The following CCDC60 variants were observed in gnomAD, a reference collection of about 807,000 sequenced individuals.
The protein encoded by CCDC60 is coiled-coil domain-containing protein 60.
In CCDC60, 54 loss-of-function variants were observed where a neutral mutation model predicts 63.5. The ratio of observed to expected loss-of-function variants is 0.85; its 90% CI spans 0.68 to 1.07. The LOEUF (loss-of-function observed/expected upper bound fraction) is 1.07. Ranked by LOEUF, CCDC60 falls within the 50% of genes least tolerant of loss-of-function variation. The pLI, the probability that CCDC60 is intolerant of heterozygous loss-of-function variation, is 0.00. For synonymous variants in CCDC60, 206 were observed against 238.8 expected, an observed-to-expected ratio of 0.86 and a Z score of 1.27; for missense variants, 651 against 684.3, an observed-to-expected ratio of 0.95 and a Z score of 0.54.
At chr12:119,539,518 C>T (rs549965075) in intron 13 of CCDC60, among the ~76,000 whole-genome samples, 14 of 152,254 alleles carry the variant, frequency 9.2e-5, no homozygotes, top group South Asian at 2.1e-4. Flanking sequence ...TCCATAATGG[C>T]GGACGTCCCT....
At chr12:119,380,108 C>T (rs993884610) in intron 1 of CCDC60, among the ~76,000 whole-genome samples, 1 of 152,208 alleles carries the variant, frequency 6.6e-6, no homozygotes, top group Non-Finnish European at 1.5e-5. Flanking sequence ...CACACATTCT[C>T]TAAGAGATGG....
At chr12:119,454,529 G>A (rs1464482295) in intron 2 of CCDC60, among the ~76,000 whole-genome samples, 2 of 152,150 alleles carry the variant, frequency 1.3e-5, no homozygotes, top group African/African-American at 2.4e-5. Context: ...AAATTCTCTT[G>A]ACAGAGTTTC....
intron 7 of CCDC60, among the ~76,000 whole-genome samples, chr12:119,511,931 C>G (rs1952223679): frequency 6.6e-6 from 1 of 152,242 alleles, no homozygotes; most frequent in Middle Eastern, 3.4e-3. Flanking sequence ...GGATCTGTGG[C>G]TCTAGGGAAG....
At chr12:119,383,520 C>T (rs1395908751) in intron 1 of CCDC60, among the ~76,000 whole-genome samples, 6 of 152,132 alleles carry the variant, frequency 3.9e-5, no homozygotes. Context: ...AGATGAGGGC[C>T]CCATAAACTC....
At chr12:119,528,824 C>T in intron 12 of CCDC60, 78 bp downstream of exon 12, 1 of 1,456,810 alleles carries the variant, frequency 6.9e-7, no homozygotes. Context: ...CTATTGATTC[C>T]ACTGTCCTTC....
At chr12:119,380,100 C>G (rs896910550) in intron 1 of CCDC60, among the ~76,000 whole-genome samples, 1 of 152,212 alleles carries the variant, frequency 6.6e-6, no homozygotes, top group Non-Finnish European at 1.5e-5. Flanking sequence ...CCCTCACACA[C>G]ACATTCTCTA....
In CCDC60 at chr12:119,464,794, C is replaced by T. The variant is rs1022587806; in HGVS notation, c.171-7200C>T. On this transcript the variant is annotated intron_variant, in intron 2 of 13. Transcript: ENST00000327554. ...TGCAGAACTACAGGTCACTCCGATC[C>T]AATGTATTATGTCTTGCTCTTGCAA... 3.9e-5 allele frequency among the ~76,000 whole-genome samples: 6 copies of T among 152,010 alleles called. 1 individual carries two copies. In the East Asian group the frequency reaches 9.7e-4, roughly 24 times the overall value.
intron 4 of CCDC60, among the ~76,000 whole-genome samples, chr12:119,485,483 G>A (rs182144010): frequency 6.6e-4 from 100 of 152,330 alleles, no homozygotes; most frequent in Non-Finnish European, 1.0e-3. Flanking sequence ...TGGTTCTGGA[G>A]GCTGAAAGCC....
chr12:119,500,121 G>T lies in CCDC60; in HGVS notation c.601G>T (p.Asp201Tyr), dbSNP rs1951812739. Residue 201 changes from aspartate (D) to tyrosine (Y), a missense_variant, in exon 6 of 14, where the codon GAC becomes TAC. Transcript: ENST00000327554. Reference sequence around the variant, plus strand: ...GAGCACCATTAAAAAAATCAATAAGGACAAGTCCATGGGACAGAAATGGGA... The same window carrying T: ...GAGCACCATTAAAAAAATCAATAAGTACAAGTCCATGGGACAGAAATGGGA... ...SKSTIKKINK[D>Y]KSMGQKWEHF... 3.1e-6 allele frequency: 5 copies of T among 1,612,528 alleles called. No homozygotes were observed. The East Asian group carries it at 8.9e-5, about 29-fold the overall frequency.
intron 2 of CCDC60, among the ~76,000 whole-genome samples, chr12:119,437,861 A>T (rs79820548): frequency 0.015 from 2,212 of 152,360 alleles, 55 homozygotes; most frequent in African/African-American, 0.05. Flanking sequence ...TCTGAAATGT[A>T]TCTTGTGAAT....
chr12:119,434,278 C>CTTT (rs57196100), intron 2 of CCDC60, among the ~76,000 whole-genome samples: 16,644 of 150,744 alleles, frequency 0.11, 1,214 homozygotes, highest in East Asian at 0.3. Flanking sequence ...AGAAGCTATT[C>CTTT]TTTTTTTTTG....
At chr12:119,483,559 C>A (rs781374258) in intron 4 of CCDC60, among the ~76,000 whole-genome samples, 1 of 152,170 alleles carries the variant, frequency 6.6e-6, no homozygotes, top group East Asian at 1.9e-4. Flanking sequence ...CAACCTGTGT[C>A]GAGATTTGCC....
At chr12:119,465,749 C>T (rs1353880105) in intron 2 of CCDC60, among the ~76,000 whole-genome samples, 1 of 96,482 alleles carries the variant, frequency 1.0e-5, no homozygotes, top group Non-Finnish European at 2.0e-5. Flanking sequence ...CAGAGTGAGA[C>T]TTCATCTCAA....
intron 4 of CCDC60, among the ~76,000 whole-genome samples, chr12:119,484,635 C>A (rs558537184): frequency 3.3e-5 from 5 of 152,178 alleles, no homozygotes; most frequent in African/African-American, 1.2e-4. Context: ...ATCGCTTGTG[C>A]CCAGGAGGCA....
At chr12:119,418,088 A>G (rs1185920323) in intron 1 of CCDC60, among the ~76,000 whole-genome samples, 2 of 150,904 alleles carry the variant, frequency 1.3e-5, no homozygotes, top group Admixed American at 6.6e-5. Flanking sequence ...CTTAACTTAA[A>G]TTCACAATGT....
chr12:119,461,697 G>A (rs941391618), intron 2 of CCDC60, among the ~76,000 whole-genome samples: 9 of 152,016 alleles, frequency 5.9e-5, no homozygotes, highest in Non-Finnish European at 1.2e-4. Context: ...ACTCCCCATC[G>A]TTCCTCTTGT....
At chr12:119,467,746 A>G (rs1950978234) in intron 2 of CCDC60, among the ~76,000 whole-genome samples, 2 of 152,250 alleles carry the variant, frequency 1.3e-5, no homozygotes, top group Admixed American at 1.3e-4. Flanking sequence ...TTGCTGTCAC[A>G]TCAGTCTCAC....
intron 2 of CCDC60, among the ~76,000 whole-genome samples, chr12:119,462,837 T>C (rs1950881619): frequency 6.6e-6 from 1 of 151,088 alleles, no homozygotes; most frequent in African/African-American, 2.4e-5. Context: ...TATTTATTTA[T>C]TTTTGAGACA....
At chr12:119,414,260 C>T (rs1956660050) in intron 1 of CCDC60, among the ~76,000 whole-genome samples, 1 of 152,130 alleles carries the variant, frequency 6.6e-6, no homozygotes, top group African/African-American at 2.4e-5. Context: ...CTCAAGAGAT[C>T]TGCCTGCCGC....
Sources: allele counts gnomAD v4.1 joint callset (sites outside exome capture counted in the v4.1 genomes callset), GRCh38; gene constraint gnomAD v4.1.1; transcripts MANE v1.5; gene names NCBI Gene and HGNC (gene_info 2026-07-23, HGNC 2026-07-21).